KLHL5: variants seen among roughly 807,000 people sequenced by gnomAD.
The protein encoded by KLHL5 is kelch-like protein 5.
KLHL5 carries 48 observed loss-of-function variants against 77.7 expected under a neutral mutation model. The observed-to-expected ratio is 0.62, with a 90% CI of 0.49 to 0.79. The LOEUF (loss-of-function observed/expected upper bound fraction) is 0.79, where lower values mean the gene tolerates loss of function less well. KLHL5 is among the 30% of genes least tolerant of loss of function. The probability of loss-of-function intolerance (pLI) is 0.00; values close to 1 mark genes in which losing one functional copy is unlikely to be tolerated. For missense variants in KLHL5, 723 were observed against 859.7 expected (o/e 0.84, Z 1.99); for synonymous variants, 260 against 297.0 (o/e 0.88, Z 1.28).
the KLHL5 span, among the ~76,000 whole-genome samples, chr4:39,134,670 T>G: frequency 2.6e-5 from 4 of 152,250 alleles, no homozygotes; most frequent in African/African-American, 4.8e-5. Context: ...ATGGTGTGCC[T>G]GAATGGATAC....
the KLHL5 span, among the ~76,000 whole-genome samples, chr4:39,133,159 T>C: frequency 1.3e-5 from 2 of 152,194 alleles, no homozygotes; most frequent in Non-Finnish European, 2.9e-5. Flanking sequence ...CTTTGGCTTA[T>C]CCAGCAGATG....
At chr4:39,106,868 G>A (rs6816202) in intron 7 of KLHL5, among the ~76,000 whole-genome samples, 76,715 of 150,424 alleles carry the variant, frequency 0.51, 19,618 homozygotes, top group Admixed American at 0.57. Flanking sequence ...CTTTCACCTT[G>A]GCTAAGACTA....
chr4:39,085,900 A>C (rs1719994561), intron 4 of KLHL5, among the ~76,000 whole-genome samples: 1 of 152,176 alleles, frequency 6.6e-6, no homozygotes, highest in African/African-American at 2.4e-5. Flanking sequence ...AAACAGACCC[A>C]AAATCCTAGA....
upstream of KLHL5, among the ~76,000 whole-genome samples, chr4:39,058,567 A>C (rs1435736019): frequency 2.0e-5 from 3 of 152,104 alleles, no homozygotes; most frequent in Non-Finnish European, 4.4e-5. Flanking sequence ...CAGTGAGCTG[A>C]GATCGAGCTA....
chr4:39,093,905 CAAAAA>C (rs966964477), intron 5 of KLHL5, among the ~76,000 whole-genome samples: 1 of 127,502 alleles, frequency 7.8e-6, no homozygotes, highest in East Asian at 2.3e-4. Flanking sequence ...CTTCCCGTCT[CAAAAA>C]AAAAAAATCT....
rs189441719 is a variant in KLHL5, at chr4:39,093,900, C to T, written c.1114-2792C>T. 3.6e-3 allele frequency among the ~76,000 whole-genome samples: 535 copies of T among 149,962 alleles called. 3 individuals carry two copies. Among genetic ancestry groups the T allele is most frequent in the Non-Finnish European group, 6.4e-3 (430 of 67,604 alleles). ...CAGCCTGGGTGACACAGAGACTTCCCGTCTCAAAAAAAAAAAATCTATGGA... is the reference window on the plus strand; with the variant it reads ...CAGCCTGGGTGACACAGAGACTTCCTGTCTCAAAAAAAAAAAATCTATGGA... On this transcript the variant is annotated intron_variant, in intron 5 of 10. Transcript: ENST00000504108.
At chr4:39,077,075 G>GA (rs111230532) in intron 2 of KLHL5, among the ~76,000 whole-genome samples, 2,475 of 138,742 alleles carry the variant, frequency 0.018, 41 homozygotes, top group African/African-American at 0.041. Flanking sequence ...AAATAAATCA[G>GA]AAAAAAAAAA....
intron 6 of KLHL5, among the ~76,000 whole-genome samples, chr4:39,100,984 A>G (rs1424011057): frequency 6.6e-6 from 1 of 151,988 alleles, no homozygotes; most frequent in Non-Finnish European, 1.5e-5. Context: ...ACGGGCTCCA[A>G]ATAGCCACTG....
Position 39,115,731 on chromosome 4 carries a change from T to C in KLHL5, c.2073+401T>C, listed in dbSNP as rs529478173. The C allele has an allele frequency of 6.9e-5, 79 of 1,142,920 alleles. No homozygotes were observed. The African/African-American group carries it at 1.2e-3, about 18-fold the overall frequency. 70.8% of individuals were successfully genotyped at this position (1,142,920 alleles called of 1,614,324 possible). On this transcript the variant is annotated intron_variant, in intron 10 of 10. Coordinates refer to ENST00000504108, the MANE Select transcript of KLHL5 (RefSeq NM_015990.5). Reference sequence around the variant, plus strand: ...TCGGATTTTTAAATACTCAACCCATTGATATCTGGGAGCAGATTAAAGTCC... The same window carrying C: ...TCGGATTTTTAAATACTCAACCCATCGATATCTGGGAGCAGATTAAAGTCC...
downstream of KLHL5, among the ~76,000 whole-genome samples, chr4:39,130,460 A>G (rs1187547390): frequency 6.6e-6 from 1 of 152,222 alleles, no homozygotes; most frequent in Non-Finnish European, 1.5e-5. Context: ...CGTTATGGCC[A>G]TCATGAACAT....
intron 8 of KLHL5, 190 bp from the exon 9 acceptor site, chr4:39,112,829 AC>A: frequency 3.5e-6 from 2 of 563,824 alleles, no homozygotes; most frequent in Non-Finnish European, 6.2e-6. Flanking sequence ...TCATGTATAT[AC>A]AGAGTGATAT....
the KLHL5 span, among the ~76,000 whole-genome samples, chr4:39,135,765 G>A: frequency 1.6e-4 from 25 of 152,114 alleles, no homozygotes; most frequent in South Asian, 1.5e-3. Context: ...TTAGCCGGAC[G>A]TGTTGGTGCG....
At chr4:39,112,774 G>A in intron 8 of KLHL5, 1 of 448,364 alleles carries the variant, frequency 2.2e-6, no homozygotes, top group Non-Finnish European at 4.0e-6. Context: ...AGATGGCAGT[G>A]ATGAAACAGT....
intron 6 of KLHL5, among the ~76,000 whole-genome samples, chr4:39,100,769 C>T (rs1013786092): frequency 6.6e-6 from 1 of 152,302 alleles, no homozygotes; most frequent in South Asian, 2.1e-4. Context: ...TCTGGCCCTT[C>T]TGTTTGACCA....
chr4:39,102,883 G>A (rs1342499982), intron 6 of KLHL5, among the ~76,000 whole-genome samples: 1 of 152,180 alleles, frequency 6.6e-6, no homozygotes, highest in Non-Finnish European at 1.5e-5. Flanking sequence ...TGACCTCTGT[G>A]TGGCTAAATC....
chr4:39,111,455 T>G (rs1272370974), intron 8 of KLHL5, among the ~76,000 whole-genome samples: 1 of 152,180 alleles, frequency 6.6e-6, no homozygotes, highest in East Asian at 1.9e-4. Flanking sequence ...ACGAATCCAC[T>G]GTTCAAGAGG....
the KLHL5 span, among the ~76,000 whole-genome samples, chr4:39,142,480 A>G: frequency 2.0e-5 from 3 of 152,156 alleles, no homozygotes; most frequent in African/African-American, 7.2e-5. Context: ...TTTCTCTCTT[A>G]AAAGACTGCA....
intron 1 of KLHL5, among the ~76,000 whole-genome samples, chr4:39,050,510 T>C (rs901521440): frequency 2.0e-5 from 3 of 152,248 alleles, no homozygotes; most frequent in Non-Finnish European, 2.9e-5. Flanking sequence ...TCTTTTTCTC[T>C]ATTGATTAAT....
At chr4:39,101,600 C>A (rs1290114507) in intron 6 of KLHL5, among the ~76,000 whole-genome samples, 1 of 151,968 alleles carries the variant, frequency 6.6e-6, no homozygotes, top group Admixed American at 6.6e-5. Context: ...GTAATCCCAG[C>A]ACTTTGGGAG....
Sources: gnomAD v4.1 joint callset for allele counts (sites outside exome capture counted in the v4.1 genomes callset) on GRCh38, gnomAD v4.1.1 for gene constraint, MANE v1.5 for transcripts, NCBI Gene and HGNC (gene_info 2026-07-23, HGNC 2026-07-21) for gene names.